The following FOXP2 variants were observed in gnomAD, a reference collection of about 807,000 sequenced individuals.
FOXP2 encodes forkhead box P2, also known as forkhead box protein P2.
Under a neutral mutation model 115.8 loss-of-function variants are expected in FOXP2, and 12 were observed. The ratio of observed to expected loss-of-function variants is 0.10; its 90% confidence interval spans 0.07 to 0.17. The LOEUF (loss-of-function observed/expected upper bound fraction) is 0.17, where lower values mean the gene tolerates loss of function less well. Ranked by LOEUF, FOXP2 falls within the 10% of genes least tolerant of loss-of-function variation. The probability of loss-of-function intolerance (pLI) is 1.00; values close to 1 mark genes in which losing one functional copy is unlikely to be tolerated. For missense variants in FOXP2, 629 were observed against 843.5 expected (o/e 0.75, Z 3.15); for synonymous variants, 328 against 297.7 (o/e 1.10, Z -1.05).
intron 1 of FOXP2, among the ~76,000 whole-genome samples, chr7:114,168,068 C>A (rs1316170726): frequency 6.6e-6 from 1 of 152,090 alleles, no homozygotes; most frequent in Non-Finnish European, 1.5e-5. Context: ...CCATGTGGAA[C>A]TGTGAGTTTA....
At chr7:114,349,182 CAACTAAG>C (rs1440719093) in intron 2 of FOXP2, among the ~76,000 whole-genome samples, 1 of 151,934 alleles carries the variant, frequency 6.6e-6, no homozygotes, top group African/African-American at 2.4e-5. Flanking sequence ...ACATGAAATG[CAACTAAG>C]AACCATTTGA....
At chr7:114,543,821 A>G (rs1334738907) in intron 3 of FOXP2, among the ~76,000 whole-genome samples, 1 of 152,188 alleles carries the variant, frequency 6.6e-6, no homozygotes, top group Non-Finnish European at 1.5e-5. Flanking sequence ...AAATCTTGCC[A>G]TCTCTCATCT....
At chr7:114,162,837 C>T (rs1167382721), upstream of FOXP2, 2 of 151,550 alleles carry the variant, frequency 1.3e-5, no homozygotes, top group Admixed American at 1.3e-4. Context: ...TTCTGTTCAC[C>T]TCATATCCAA....
chr7:114,478,303 A>T (rs1796377580), intron 2 of FOXP2, among the ~76,000 whole-genome samples: 1 of 151,788 alleles, frequency 6.6e-6, no homozygotes, highest in African/African-American at 2.4e-5. Flanking sequence ...CAAGCAAATC[A>T]AAGTATTTAT....
At chr7:114,656,425 A>G (rs1185307915) in intron 10 of FOXP2, 1 of 424,120 alleles carries the variant, frequency 2.4e-6, no homozygotes, top group South Asian at 1.7e-5. Context: ...ATATGTTCTG[A>G]TGTTGATATT....
intron 1 of FOXP2, among the ~76,000 whole-genome samples, 166 bp from the exon 2 acceptor site, chr7:114,426,336 A>T (rs1451483279): frequency 1.3e-5 from 2 of 151,696 alleles, no homozygotes; most frequent in Non-Finnish European, 3.0e-5. Context: ...TAGCATCTGG[A>T]TGAAAGCTGA....
At chr7:114,155,095 T>G (rs1449465076) in intron 1 of FOXP2, among the ~76,000 whole-genome samples, 1 of 152,178 alleles carries the variant, frequency 6.6e-6, no homozygotes, top group African/African-American at 2.4e-5. Context: ...AATGACTTAG[T>G]ACTCCTGTTT....
At position 114,690,000 on chromosome 7, in the gene FOXP2, T is replaced by A. The variant is rs1808576025; in HGVS notation, c.*74T>A. On this transcript the variant is annotated 3_prime_UTR_variant, in exon 17 of 17. Transcript: ENST00000350908. ...ATAACCACTCCACAACCATGAATAT[T>A]TGACAAATTTTTACTGTGACTATTT... 1.9e-6 allele frequency: 3 copies of A among 1,571,766 alleles called. No individual in the cohort carries two copies. The highest frequency in any genetic ancestry group is 2.2e-5 in the South Asian group (2 of 89,940).
At chr7:114,602,426 T>C (rs1201943806) in intron 3 of FOXP2, among the ~76,000 whole-genome samples, 1 of 152,084 alleles carries the variant, frequency 6.6e-6, no homozygotes, top group Non-Finnish European at 1.5e-5. Context: ...TAAGTATTGA[T>C]ATATAGCTAT....
At chr7:114,215,034 A>G (rs1247652628) in intron 1 of FOXP2, among the ~76,000 whole-genome samples, 1 of 152,152 alleles carries the variant, frequency 6.6e-6, no homozygotes, top group African/African-American at 2.4e-5. Flanking sequence ...CTTGAGTTGC[A>G]CTATTAATAT....
At chr7:114,115,216 T>G (rs1791371202) in intron 1 of FOXP2, among the ~76,000 whole-genome samples, 1 of 152,144 alleles carries the variant, frequency 6.6e-6, no homozygotes, top group Non-Finnish European at 1.5e-5. Flanking sequence ...CTTTTTTTCT[T>G]CTGTATCTGT....
At chr7:114,409,989 C>T (rs1793125670), upstream of FOXP2, among the ~76,000 whole-genome samples, 1 of 152,080 alleles carries the variant, frequency 6.6e-6, no homozygotes, top group African/African-American at 2.4e-5. Flanking sequence ...TAGAACTCAT[C>T]ATTATGTCTT....
chr7:114,252,220 C>T (rs571844794), intron 1 of FOXP2, among the ~76,000 whole-genome samples: 15 of 152,050 alleles, frequency 9.9e-5, no homozygotes, highest in East Asian at 5.8e-4. Context: ...ATTTTTGCGT[C>T]GATATTTATC....
chr7:114,159,968 C>G (rs747336502), upstream of FOXP2, among the ~76,000 whole-genome samples: 1 of 152,154 alleles, frequency 6.6e-6, no homozygotes, highest in Non-Finnish European at 1.5e-5. Flanking sequence ...TGCTAATAGA[C>G]TGAGTGGAGA....
At chr7:114,189,081 A>T (rs1013811816) in intron 1 of FOXP2, among the ~76,000 whole-genome samples, 1 of 152,146 alleles carries the variant, frequency 6.6e-6, no homozygotes, top group Non-Finnish European at 1.5e-5. Flanking sequence ...TCAGAATTTT[A>T]AAAAATGTGC....
chr7:114,674,128 T>C (rs1266947443), intron 16 of FOXP2, among the ~76,000 whole-genome samples: 2 of 152,258 alleles, frequency 1.3e-5, no homozygotes, highest in Non-Finnish European at 2.9e-5. Flanking sequence ...GAAAATTTCA[T>C]CACAATTATC....
In FOXP2 at chr7:114,662,169, G is replaced by A; in HGVS notation, c.1752G>A (p.Arg584=). ...ATGAAGTAGAATACCAGAAGCGAAG[G>A]TCACAAAAGATAACAGGGTATGTTT... ...TVDEVEYQKR[R]SQKITGSPTL... is the part of the protein sequence containing the mutation. The change falls in exon 14 of 17, where the codon AGG becomes AGA. Residue 584 remains arginine (R), a synonymous_variant. Coordinates refer to ENST00000350908, the MANE Select transcript of FOXP2 (RefSeq NM_014491.4). 4 of 1,612,728 alleles carry A rather than the reference G, an allele frequency of 2.5e-6. No homozygotes were observed. Among genetic ancestry groups the A allele is most frequent in the Non-Finnish European group, 3.4e-6 (4 of 1,179,084 alleles).
At chr7:114,343,765 A>G (rs538833649) in intron 2 of FOXP2, among the ~76,000 whole-genome samples, 24 of 151,620 alleles carry the variant, frequency 1.6e-4, no homozygotes, top group Non-Finnish European at 3.1e-4. Flanking sequence ...AATTTGCTCA[A>G]TGTCACCTTC....
chr7:114,127,070 C>G (rs1020861976), intron 1 of FOXP2, among the ~76,000 whole-genome samples: 14 of 152,122 alleles, frequency 9.2e-5, no homozygotes, highest in African/African-American at 3.4e-4. Flanking sequence ...TGGGAAAAGA[C>G]CTGTTTCATT....
Sources: allele counts gnomAD v4.1 joint callset (sites outside exome capture counted in the v4.1 genomes callset), GRCh38; gene constraint gnomAD v4.1.1; transcripts MANE v1.5; gene names NCBI Gene and HGNC (gene_info 2026-07-23, HGNC 2026-07-21).